IMPA1: variants seen among roughly 807,000 people sequenced by gnomAD.
The protein encoded by IMPA1 is D-galactose 1-phosphate phosphatase.
A neutral mutation model predicts 34.9 loss-of-function variants in IMPA1; 21 were observed. The observed-to-expected ratio is 0.60, with a 90% CI of 0.43 to 0.87. The LOEUF is 0.87. Among genes scored for constraint, IMPA1 ranks in the 40% least tolerant of loss-of-function variants. The probability of loss-of-function intolerance (pLI) is 0.00; values close to 1 mark genes in which losing one functional copy is unlikely to be tolerated. For synonymous variants in IMPA1, 95 were observed against 104.4 expected (o/e 0.91, Z 0.55); for missense variants, 299 against 336.4 (o/e 0.89, Z 0.87).
chr8:81,670,731 T>C (rs377111911), intron 7 of IMPA1, among the ~76,000 whole-genome samples: 31 of 152,170 alleles, frequency 2.0e-4, no homozygotes, highest in African/African-American at 7.5e-4. Context: ...CATTAGCAGA[T>C]TAACTGACAA....
chr8:81,670,845 A>G (rs1247012172), intron 7 of IMPA1, 94 bp downstream of exon 7: 2 of 609,798 alleles, frequency 3.3e-6, no homozygotes, highest in Non-Finnish European at 5.7e-6. Flanking sequence ...CATGATGTAT[A>G]TAATTTACTC....
chr8:81,659,502 G>C (rs772136390), intron 8 of IMPA1, 36 bp from the exon 9 acceptor site: 3 of 1,130,170 alleles, frequency 2.7e-6, no homozygotes, highest in Non-Finnish European at 4.0e-6. Context: ...AATTTTATCT[G>C]GTACAAAAAT....
Position 81,659,052 on chromosome 8 carries a change from T to C in IMPA1, c.*299A>G, listed in dbSNP as rs1245455245. Reference sequence around the variant, plus strand: ...AGTCAAAATTTCAGGGGACCATAGATATTTAGAAACACAAAATTGCTAATT... The same window carrying C: ...AGTCAAAATTTCAGGGGACCATAGACATTTAGAAACACAAAATTGCTAATT... On this transcript the variant is annotated 3_prime_UTR_variant, in exon 9 of 9. Coordinates refer to ENST00000256108, the MANE Select transcript of IMPA1 (RefSeq NM_005536.4). The C allele has an allele frequency of 5.6e-6, 2 of 355,590 alleles. No homozygotes were observed. The highest frequency in any genetic ancestry group is 1.0e-5 in the Non-Finnish European group (2 of 194,546). 22.0% of individuals were successfully genotyped at this position (355,590 alleles called of 1,614,324 possible).
rs1806592119 is a variant in IMPA1, at chr8:81,659,082, A to AT, written c.*268dup. 4.9e-6 allele frequency: 2 copies of AT among 407,556 alleles called. No homozygotes were observed. The highest frequency in any genetic ancestry group is 8.7e-6 in the Non-Finnish European group (2 of 228,906). The allele number at this position is 407,556 out of a possible 1,614,324, so 25.2% of individuals were successfully genotyped here. A position where few individuals can be genotyped will look rare whatever the true frequency, so the allele number is the denominator to read the frequency against. On this transcript the variant is annotated 3_prime_UTR_variant, in exon 9 of 9. Coordinates refer to ENST00000256108, the MANE Select transcript of IMPA1 (RefSeq NM_005536.4). ...AGAAACACAAAATTGCTAATTGACT[A>AT]TTTCAGTTGATGTTATATTTATCAA...
At chr8:81,676,091 C>A (rs1483858581) in intron 5 of IMPA1, 143 bp downstream of exon 5, 1 of 382,942 alleles carries the variant, frequency 2.6e-6, no homozygotes, top group African/African-American at 2.1e-5. Context: ...AAAATTTTAA[C>A]AGTCCTGTAG....
At position 81,677,568 on chromosome 8, in the gene IMPA1, T is replaced by C. The variant is rs529555334; in HGVS notation, c.303-1289A>G. The stretch of plus-strand genomic sequence containing the variant: ...TGCATGACAGTCTGAACACAGGTTG[T>C]AACTGCTGACTCACAAGAGAATTAA... On this transcript the variant is annotated intron_variant, in intron 4 of 8. Transcript: ENST00000256108. Among the ~76,000 whole-genome samples, 8 of 152,340 alleles carry C rather than the reference T, an allele frequency of 5.3e-5. No individual in the cohort carries two copies. The South Asian group carries it at 1.4e-3, about 28-fold the overall frequency.
At chr8:81,679,442 A>G (rs1807227032) in intron 3 of IMPA1, among the ~76,000 whole-genome samples, 1 of 151,912 alleles carries the variant, frequency 6.6e-6, no homozygotes, top group Non-Finnish European at 1.5e-5. Flanking sequence ...GTGAAACCCC[A>G]TCTCTATTAA....
chr8:81,672,050 G>A (rs1285958628), intron 6 of IMPA1, among the ~76,000 whole-genome samples: 4 of 152,154 alleles, frequency 2.6e-5, no homozygotes, highest in Admixed American at 2.6e-4. Flanking sequence ...AAATAAGAAT[G>A]CATCCTCCAT....
chr8:81,680,976 T>A (rs1026567673), intron 2 of IMPA1, among the ~76,000 whole-genome samples, 193 bp from the exon 3 acceptor site: 2 of 152,174 alleles, frequency 1.3e-5, no homozygotes, highest in African/African-American at 4.8e-5. Context: ...AATTATATAA[T>A]CTTACATCTT....
chr8:81,681,236 T>C (rs888049857), intron 2 of IMPA1, among the ~76,000 whole-genome samples: 2 of 151,902 alleles, frequency 1.3e-5, no homozygotes, highest in African/African-American at 4.8e-5. Context: ...ATTTAAAAAA[T>C]GAAAAGTAGC....
chr8:81,664,016 C>A (rs745534814), intron 7 of IMPA1, among the ~76,000 whole-genome samples: 1 of 151,410 alleles, frequency 6.6e-6, no homozygotes, highest in Non-Finnish European at 1.5e-5. Flanking sequence ...TCCAGCCTGG[C>A]GACAGAGACT....
intron 1 of IMPA1, among the ~76,000 whole-genome samples, chr8:81,684,098 T>TATAC (rs1807386560): frequency 1.3e-5 from 1 of 79,228 alleles, no homozygotes; most frequent in South Asian, 3.3e-4. Flanking sequence ...GGATGCAAAC[T>TATAC]ATATATATAT....
intron 8 of IMPA1, 82 bp downstream of exon 8, chr8:81,660,434 T>A: frequency 1.6e-6 from 2 of 1,255,234 alleles, no homozygotes; most frequent in Non-Finnish European, 2.3e-6. Context: ...GTATAACATA[T>A]ATCAAAAAGT....
intron 5 of IMPA1, 79 bp from the exon 6 acceptor site, chr8:81,674,028 C>A: frequency 1.2e-6 from 1 of 811,624 alleles, no homozygotes. Flanking sequence ...ACAAGACAAT[C>A]TGGTATACTG....
rs1585884523 is a variant in IMPA1, at chr8:81,657,041, C to T, written c.*2310G>A. ...CTGATACAAAATATACATGTTAAGTCTAAGAAGTCCTGTTACTCAAAGAAA... is the reference window on the plus strand; with the variant it reads ...CTGATACAAAATATACATGTTAAGTTTAAGAAGTCCTGTTACTCAAAGAAA... On this transcript the variant is annotated 3_prime_UTR_variant, in exon 9 of 9. Coordinates refer to ENST00000256108, the MANE Select transcript of IMPA1 (RefSeq NM_005536.4). Among the ~76,000 whole-genome samples, 1 of 152,106 alleles carries T rather than the reference C, an allele frequency of 6.6e-6. No homozygotes were observed. The highest frequency in any genetic ancestry group is 6.6e-5 in the Admixed American group (1 of 15,258).
intron 5 of IMPA1, chr8:81,674,772 A>G (rs1217314197): frequency 8.8e-6 from 4 of 454,994 alleles, no homozygotes; most frequent in East Asian, 1.4e-4. Context: ...TTTACAGTCC[A>G]CAAATTCATT....
At chr8:81,677,380 C>A (rs1368395493) in intron 4 of IMPA1, among the ~76,000 whole-genome samples, 1 of 152,228 alleles carries the variant, frequency 6.6e-6, no homozygotes, top group Non-Finnish European at 1.5e-5. Context: ...CAGGCATGAG[C>A]CACCGCGCCT....
Position 81,660,606 on chromosome 8 carries a change from C to T in IMPA1, c.628G>A (p.Ala210Thr), listed in dbSNP as rs1177719736. ...MCLVATGGAD[A>T]YYEMGIHCWD... ...CAGTGAATTCCCATTTCATAATATG[C>T]ATCTGCTCCGCCAGTTGCCACAAGG... Residue 210 changes from alanine to threonine, a missense_variant, in exon 8 of 9, where the codon GCA (alanine) becomes ACA (threonine). Ala to Thr is a moderately conservative substitution (Grantham distance 58). Transcript: ENST00000256108. 1.2e-6 allele frequency: 2 copies of T among 1,613,252 alleles called. No individual in the cohort carries two copies. The highest frequency in any genetic ancestry group is 8.5e-7 in the Non-Finnish European group (1 of 1,179,260).
At chr8:81,672,841 T>G (rs1807026940) in intron 6 of IMPA1, among the ~76,000 whole-genome samples, 1 of 152,200 alleles carries the variant, frequency 6.6e-6, no homozygotes, top group African/African-American at 2.4e-5. Context: ...CCCATTTACT[T>G]TGTAGTAATT....
Sources: gnomAD v4.1 joint callset for allele counts (sites outside exome capture counted in the v4.1 genomes callset) on GRCh38, gnomAD v4.1.1 for gene constraint, MANE v1.5 for transcripts, NCBI Gene and HGNC (gene_info 2026-07-23, HGNC 2026-07-21) for gene names.